WDR62: variants seen among roughly 807,000 people sequenced by gnomAD.
WDR62 encodes WD repeat-containing protein 62.
A neutral mutation model predicts 160.6 loss-of-function variants in WDR62; 112 were observed. The ratio of observed to expected loss-of-function variants is 0.70; its 90% CI spans 0.60 to 0.82. The LOEUF (loss-of-function observed/expected upper bound fraction) is 0.82, where lower values mean the gene tolerates loss of function less well. Ranked by LOEUF, WDR62 falls within the 40% of genes least tolerant of loss-of-function variation. The probability of loss-of-function intolerance (pLI) is 0.00; values close to 1 mark genes in which losing one functional copy is unlikely to be tolerated. For missense variants in WDR62, 1,819 were observed against 1,983.8 expected (o/e 0.92, Z 1.58); for synonymous variants, 792 against 815.1 (o/e 0.97, Z 0.48).
At position 36,104,955 on chromosome 19, in the gene WDR62, A is replaced by G. The variant is rs771866189; in HGVS notation, c.4499A>G (p.Asp1500Gly). ...ACGCTGTACCCCCTGGCCAGCCCAGACCTGCAGGCCCTGCTGGAACACTAC... is the reference window on the plus strand; with the variant it reads ...ACGCTGTACCCCCTGGCCAGCCCAGGCCTGCAGGCCCTGCTGGAACACTAC... Reference protein sequence around the residue: ...PPTLYPLASPDLQALLEHYSE... With the variant: ...PPTLYPLASPGLQALLEHYSE... Residue 1500 changes from aspartate to glycine, a missense_variant, in exon 32 of 32, where the codon GAC becomes GGC. By Grantham distance (94) the Asp-to-Gly change is moderately conservative. Transcript: ENST00000401500. The G allele has an allele frequency of 1.0e-5, 16 of 1,606,818 alleles. No individual in the cohort carries two copies. The highest frequency in any genetic ancestry group is 1.4e-5 in the Non-Finnish European group (16 of 1,178,264).
chr19:36,084,632 C>T (rs757844303), intron 11 of WDR62, 21 bp from the exon 12 acceptor site: 15 of 1,611,930 alleles, frequency 9.3e-6, no homozygotes, highest in South Asian at 7.7e-5. Context: ...GGGGCTTCAG[C>T]GGGCGGTGTG....
Position 36,054,923 on chromosome 19 carries a change from C to T in WDR62, c.-49C>T, listed in dbSNP as rs1356054345. 1.3e-6 allele frequency: 2 copies of T among 1,546,460 alleles called. No individual in the cohort carries two copies. The highest frequency in any genetic ancestry group is 1.7e-6 in the Non-Finnish European group (2 of 1,147,536). ...CTGTTCCAGTGGGTCGTGGCGGTGGCGGCAGCGGCGGTTAGGGGATGTAAC... is the reference window on the plus strand; with the variant it reads ...CTGTTCCAGTGGGTCGTGGCGGTGGTGGCAGCGGCGGTTAGGGGATGTAAC... On this transcript the variant is annotated 5_prime_UTR_variant, in exon 1 of 32. Transcript: ENST00000401500.
chr19:36,080,783 G>A (rs1379161091), intron 9 of WDR62, among the ~76,000 whole-genome samples: 2 of 152,110 alleles, frequency 1.3e-5, no homozygotes, highest in Non-Finnish European at 2.9e-5. Context: ...ATTTCTAGAA[G>A]CTGTTCTGTT....
intron 21 of WDR62, 139 bp from the exon 22 acceptor site, chr19:36,099,260 G>C: frequency 3.1e-6 from 2 of 654,638 alleles, no homozygotes; most frequent in East Asian, 5.5e-5. Context: ...AAAGGTTCAC[G>C]CTGGAGATAT....
At chr19:36,081,053 G>C (rs1452660686) in intron 9 of WDR62, among the ~76,000 whole-genome samples, 1 of 152,160 alleles carries the variant, frequency 6.6e-6, no homozygotes, top group Non-Finnish European at 1.5e-5. Context: ...AGCCTCCCAA[G>C]TAGCTGGGAC....
intron 9 of WDR62, chr19:36,073,954 A>T (rs971099737): frequency 2.8e-6 from 1 of 350,970 alleles, no homozygotes; most frequent in Admixed American, 3.8e-5. Flanking sequence ...CATGCACTCC[A>T]CAGAGAGCTT....
chr19:36,109,592 G>A (rs1419470669), downstream of WDR62, among the ~76,000 whole-genome samples: 2 of 151,308 alleles, frequency 1.3e-5, no homozygotes, highest in Non-Finnish European at 2.9e-5. Context: ...AAATTAGCCG[G>A]GTGTGGTGGT....
chr19:36,088,559 CTG>C (rs886979046), intron 13 of WDR62, among the ~76,000 whole-genome samples: 1 of 152,210 alleles, frequency 6.6e-6, no homozygotes, highest in African/African-American at 2.4e-5. Context: ...GACAAGGACT[CTG>C]TGAACCTCTG....
In WDR62 at chr19:36,088,513, G is replaced by A. The variant is rs148798225; in HGVS notation, c.1769-525G>A. On this transcript the variant is annotated intron_variant, in intron 13 of 31. Coordinates refer to ENST00000401500, the MANE Select transcript of WDR62 (RefSeq NM_001083961.2). Reference sequence around the variant, plus strand: ...GACCTTGGCACCAGAGAATGCCTGGGTTCAGTCCTGCCCCTGTCCTCTCTG... The same window carrying A: ...GACCTTGGCACCAGAGAATGCCTGGATTCAGTCCTGCCCCTGTCCTCTCTG... 3.9e-5 allele frequency among the ~76,000 whole-genome samples: 6 copies of A among 152,286 alleles called. No individual in the cohort carries two copies. The South Asian group carries it at 1.2e-3, about 32-fold the overall frequency.
the WDR62 span, chr19:36,111,037 C>T: frequency 9.2e-6 from 6 of 651,564 alleles, no homozygotes; most frequent in Non-Finnish European, 1.5e-5. Flanking sequence ...GCAGGGGTAA[C>T]CTGAGCCAGC....
chr19:36,079,395 C>T (rs763187529), intron 9 of WDR62, among the ~76,000 whole-genome samples: 4 of 152,180 alleles, frequency 2.6e-5, no homozygotes, highest in Non-Finnish European at 5.9e-5. Flanking sequence ...ATATGGCAGC[C>T]TGCTTTCTGA....
At chr19:36,084,775 C>T (rs1270579590) in intron 12 of WDR62, 31 bp downstream of exon 12, 1 of 1,602,448 alleles carries the variant, frequency 6.2e-7, no homozygotes, top group Non-Finnish European at 8.5e-7. Context: ...GAATGGGGGT[C>T]AGGCAGGGAG....
chr19:36,088,993 C>T, intron 13 of WDR62, 45 bp from the exon 14 acceptor site: 2 of 1,608,080 alleles, frequency 1.2e-6, no homozygotes, highest in South Asian at 2.2e-5. Flanking sequence ...GTCCCCTGCC[C>T]ATGTGGCCCA....
chr19:36,103,646 C>T lies in WDR62; in HGVS notation c.3818C>T (p.Thr1273Ile), dbSNP rs797046110. Residue 1273 changes from threonine (T) to isoleucine (I), a missense_variant, in exon 30 of 32, where the codon ACA becomes ATA. Physicochemically the swap from Thr to Ile is moderately conservative, Grantham distance 89. Around this residue, in one of 3 missense-constraint regions of WDR62, gnomAD observed 770 missense variants for 734.2 expected, o/e 1.05. Coordinates refer to ENST00000401500, the MANE Select transcript of WDR62 (RefSeq NM_001083961.2). Reference sequence around the variant, plus strand: ...CTTCAGGCCATCACCACCGCGACAACACCCAGTTTGGACAGTGAGGGCCAA... The same window carrying T: ...CTTCAGGCCATCACCACCGCGACAATACCCAGTTTGGACAGTGAGGGCCAA... ...QELQAITTATTPSLDSEGQEP... is the reference protein window; with the variant it reads ...QELQAITTATIPSLDSEGQEP... 2 of 1,610,584 alleles carry T rather than the reference C, an allele frequency of 1.2e-6. No homozygotes were observed. The highest frequency in any genetic ancestry group is 1.7e-6 in the Non-Finnish European group (2 of 1,180,002).
At chr19:36,096,919 T>C in intron 20 of WDR62, 108 bp from the exon 21 acceptor site, 3 of 997,466 alleles carry the variant, frequency 3.0e-6, no homozygotes, top group Non-Finnish European at 4.7e-6. Flanking sequence ...CTGTTGAGCC[T>C]TCTGACTTCT....
At chr19:36,055,270 A>T (rs1044104279) in intron 1 of WDR62, 122 bp downstream of exon 1, 7 of 1,079,326 alleles carry the variant, frequency 6.5e-6, no homozygotes, top group South Asian at 2.8e-5. Context: ...GTTCCCTGCC[A>T]TGCCTCGTCC....
At position 36,101,204 on chromosome 19, in the gene WDR62, GGCAC is replaced by G. The variant is rs756398457; in HGVS notation, c.2868-9_2868-6del. 9.9e-6 allele frequency: 16 copies of G among 1,608,278 alleles called. No individual in the cohort carries two copies. The East Asian group carries it at 3.6e-4, about 36-fold the overall frequency. ...TCCTTGTTCCCTCTCTGCCCCCACTGGCACTGCAGCCAGTATTGCAGGAAGGAGG... is the reference window on the plus strand; with the variant it reads ...TCCTTGTTCCCTCTCTGCCCCCACTGTGCAGCCAGTATTGCAGGAAGGAGG... On this transcript the variant is annotated splice_polypyrimidine_tract_variant and splice_region_variant and intron_variant, in intron 23 of 31. Coordinates refer to ENST00000401500, the MANE Select transcript of WDR62 (RefSeq NM_001083961.2).
At position 36,096,296 on chromosome 19, in the gene WDR62, G is replaced by T. The variant is rs117554517; in HGVS notation, c.2468-731G>T. The stretch of plus-strand genomic sequence containing the variant: ...AGGGGATGGTGTGTGTAGAGACAAG[G>T]TCTCACTGTGTTGCCCAGGCTGGTC... On this transcript the variant is annotated intron_variant, in intron 20 of 31. Coordinates refer to ENST00000401500, the MANE Select transcript of WDR62 (RefSeq NM_001083961.2). Among the ~76,000 whole-genome samples, 29 of 151,954 alleles carry T rather than the reference G, an allele frequency of 1.9e-4. No homozygotes were observed. In the East Asian group the frequency reaches 3.3e-3, roughly 17 times the overall value.
At position 36,092,719 on chromosome 19, in the gene WDR62, G is replaced by A; in HGVS notation, c.2241G>A (p.Glu747=). 1.2e-6 allele frequency: 2 copies of A among 1,614,200 alleles called. No individual in the cohort carries two copies. The highest frequency in any genetic ancestry group is 1.7e-6 in the Non-Finnish European group (2 of 1,180,020). The change falls in exon 19 of 32, where the codon GAG becomes GAA. Residue 747 remains glutamate, a synonymous_variant. Coordinates refer to ENST00000401500, the MANE Select transcript of WDR62 (RefSeq NM_001083961.2). ...SCVFIWHLGP[E]ITNCMKQHLL... is the part of the protein sequence containing the mutation. ...TGTTCATCTGGCACCTGGGCCCGGA[G>A]ATCACCAACTGCATGAAGCAGCACT...
Sources: gnomAD v4.1 joint callset for allele counts (sites outside exome capture counted in the v4.1 genomes callset) on GRCh38, gnomAD v4.1.1 for gene constraint, gnomAD v4.1.1 regional missense constraint, MANE v1.5 for transcripts, NCBI Gene and HGNC (gene_info 2026-07-23, HGNC 2026-07-21) for gene names.